IPCEF1: variants seen among roughly 807,000 people sequenced by gnomAD.
IPCEF1 encodes interactor protein for cytohesin exchange factors 1.
In IPCEF1, 31 loss-of-function variants were observed where a neutral mutation model predicts 50.9. That is an observed-to-expected ratio of 0.61 (90% CI 0.46 to 0.82). The LOEUF (loss-of-function observed/expected upper bound fraction) is 0.82, where lower values mean the gene tolerates loss of function less well. IPCEF1 is among the 40% of genes least tolerant of loss of function. IPCEF1 has a pLI of 0.00. For synonymous variants in IPCEF1, 181 were observed against 192.0 expected, an observed-to-expected ratio of 0.94 and a Z score of 0.47; for missense variants, 458 against 514.0, an observed-to-expected ratio of 0.89 and a Z score of 1.05.
chr6:154,233,934 C>A (rs749892786), intron 5 of IPCEF1, among the ~76,000 whole-genome samples: 1 of 152,128 alleles, frequency 6.6e-6, no homozygotes, highest in Non-Finnish European at 1.5e-5. Context: ...CTAGGCCGGA[C>A]GCCGTGGCTC....
rs548254364 is a variant in IPCEF1, at chr6:154,303,907, C to A, written c.-61-14151G>T. Among the ~76,000 whole-genome samples the A allele has an allele frequency of 7.9e-5, 12 of 152,068 alleles. No homozygotes were observed. The East Asian group carries it at 1.9e-3, about 25-fold the overall frequency. On this transcript the variant is annotated intron_variant, in intron 1 of 11. Coordinates refer to ENST00000367220, the MANE Select transcript of IPCEF1 (RefSeq NM_001130700.2). ...CTGCACTCCAGCCTGAGCAAGAGAG[C>A]AAGACGTCTCAAATAAAAAAAATAA...
chr6:154,182,025 G>A (rs1800928124), intron 10 of IPCEF1, among the ~76,000 whole-genome samples: 1 of 152,064 alleles, frequency 6.6e-6, no homozygotes, highest in African/African-American at 2.4e-5. Context: ...GCACATCTGC[G>A]CATGTATCCC....
chr6:154,275,053 T>A (rs958879882), intron 2 of IPCEF1, among the ~76,000 whole-genome samples: 11 of 152,228 alleles, frequency 7.2e-5, no homozygotes, highest in African/African-American at 2.6e-4. Flanking sequence ...CAAAGACACA[T>A]AAACACACAC....
chr6:154,173,174 C>T (rs892909400), intron 10 of IPCEF1, among the ~76,000 whole-genome samples: 7 of 152,154 alleles, frequency 4.6e-5, no homozygotes, highest in Non-Finnish European at 1.0e-4. Flanking sequence ...GTCACCAACA[C>T]CTAAGACCAA....
intron 5 of IPCEF1, among the ~76,000 whole-genome samples, chr6:154,244,484 A>G (rs566079413): frequency 6.6e-6 from 1 of 152,296 alleles, no homozygotes; most frequent in South Asian, 2.1e-4. Context: ...GTATTCAAGT[A>G]CATGCTTTGC....
intron 3 of IPCEF1, among the ~76,000 whole-genome samples, chr6:154,263,242 A>AATTT: frequency 1.2e-5 from 1 of 82,096 alleles, no homozygotes; most frequent in South Asian, 3.6e-4. Flanking sequence ...TTTTTTTTTA[A>AATTT]ATTTATTTAT....
chr6:154,174,324 A>T (rs1435235017), intron 10 of IPCEF1, among the ~76,000 whole-genome samples: 1 of 152,224 alleles, frequency 6.6e-6, no homozygotes, highest in African/African-American at 2.4e-5. Context: ...ACATAACAAT[A>T]TTAACCTTAA....
chr6:154,154,591 A>C lies in IPCEF1; in HGVS notation c.*5237T>G, dbSNP rs1281255369. 2 of 152,242 alleles carry C rather than the reference A, an allele frequency of 1.3e-5. No individual in the cohort carries two copies. The highest frequency in any genetic ancestry group is 2.9e-5 in the Non-Finnish European group (2 of 68,032). The allele number at this position is 152,242 out of a possible 1,614,324, so 9.4% of individuals were successfully genotyped here. ...AGAGGGCACTGTAACCTTGTTGTAG[A>C]CGATCAAAACGCAGCCATTAAACAC... On this transcript the variant is annotated 3_prime_UTR_variant, in exon 12 of 12. Transcript: ENST00000367220.
At chr6:154,207,269 G>A (rs111828322) in intron 9 of IPCEF1, among the ~76,000 whole-genome samples, 3 of 152,238 alleles carry the variant, frequency 2.0e-5, no homozygotes, top group Admixed American at 1.3e-4. Context: ...ATATAAACAC[G>A]AATTTTAGCA....
chr6:154,170,426 C>T (rs151085422), intron 10 of IPCEF1, among the ~76,000 whole-genome samples: 257 of 152,278 alleles, frequency 1.7e-3, no homozygotes, highest in African/African-American at 5.7e-3. Flanking sequence ...TACTCCTCTA[C>T]GATTAGAAAC....
At chr6:154,232,778 C>A (rs1001769059) in intron 5 of IPCEF1, among the ~76,000 whole-genome samples, 1 of 152,040 alleles carries the variant, frequency 6.6e-6, no homozygotes, top group African/African-American at 2.4e-5. Flanking sequence ...GAATAAGCAG[C>A]TATAACCAGC....
intron 5 of IPCEF1, among the ~76,000 whole-genome samples, chr6:154,235,754 CAAG>C (rs1385783003): frequency 6.6e-6 from 1 of 152,094 alleles, no homozygotes; most frequent in Non-Finnish European, 1.5e-5. Context: ...ACATTTCTCC[CAAG>C]AAGATATGGA....
At chr6:154,252,645 A>T (rs1781365680) in intron 3 of IPCEF1, among the ~76,000 whole-genome samples, 1 of 152,158 alleles carries the variant, frequency 6.6e-6, no homozygotes, top group Non-Finnish European at 1.5e-5. Context: ...ATTGCACTCT[A>T]GCTGGGGTGA....
At chr6:154,222,251 C>T (rs907345978) in intron 6 of IPCEF1, among the ~76,000 whole-genome samples, 6 of 152,254 alleles carry the variant, frequency 3.9e-5, no homozygotes, top group African/African-American at 1.2e-4. Context: ...TCCTGCAGCA[C>T]GGCACAGGCC....
intron 3 of IPCEF1, among the ~76,000 whole-genome samples, chr6:154,253,208 G>C (rs958522691): frequency 2.0e-5 from 3 of 151,500 alleles, no homozygotes; most frequent in Non-Finnish European, 4.4e-5. Context: ...TGTTGTTGTT[G>C]TTTTCTCCTT....
At chr6:154,349,740 C>G (rs963555454) in intron 1 of IPCEF1, among the ~76,000 whole-genome samples, 5 of 151,972 alleles carry the variant, frequency 3.3e-5, no homozygotes, top group African/African-American at 1.2e-4. Context: ...GAACTTCTAC[C>G]CTGTCCAAAT....
At chr6:154,200,147 G>T in intron 9 of IPCEF1, 107 bp from the exon 10 acceptor site, 1 of 1,013,918 alleles carries the variant, frequency 9.9e-7, no homozygotes, top group Non-Finnish European at 1.4e-6. Flanking sequence ...ATTTCAAAAA[G>T]TGACCAATAA....
intron 1 of IPCEF1, among the ~76,000 whole-genome samples, chr6:154,347,027 G>A (rs1396482131): frequency 6.6e-6 from 1 of 152,066 alleles, no homozygotes; most frequent in Admixed American, 6.6e-5. Flanking sequence ...CTTTGATCTG[G>A]AAGTGTCTTT....
At chr6:154,225,936 G>C (rs1260426068) in intron 5 of IPCEF1, among the ~76,000 whole-genome samples, 3 of 152,110 alleles carry the variant, frequency 2.0e-5, no homozygotes, top group Non-Finnish European at 4.4e-5. Flanking sequence ...ACTGTTTTTA[G>C]TCCTCCCTTA....
Sources: gnomAD v4.1 joint callset for allele counts (sites outside exome capture counted in the v4.1 genomes callset) on GRCh38, gnomAD v4.1.1 for gene constraint, MANE v1.5 for transcripts, NCBI Gene and HGNC (gene_info 2026-07-23, HGNC 2026-07-21) for gene names.